The following PTPRD variants were observed in gnomAD, a reference collection of about 807,000 sequenced individuals.
PTPRD encodes the protein receptor-type tyrosine-protein phosphatase delta.
A neutral mutation model predicts 214.5 loss-of-function variants in PTPRD; 34 were observed. The observed-to-expected ratio is 0.16, with a 90% CI of 0.12 to 0.21. The LOEUF (loss-of-function observed/expected upper bound fraction) is 0.21, where lower values mean the gene tolerates loss of function less well. Among genes scored for constraint, PTPRD ranks in the 10% least tolerant of loss-of-function variants. The pLI, the probability that PTPRD is intolerant of heterozygous loss-of-function variation, is 1.00. For missense variants in PTPRD, 2,545 were observed against 2,398.7 expected (o/e 1.06, Z -1.27); for synonymous variants, 1,128 against 845.7 (o/e 1.33, Z -5.79).
intron 9 of PTPRD, among the ~76,000 whole-genome samples, chr9:9,242,461 C>T (rs139966162): frequency 0.21 from 32,614 of 152,052 alleles, 4,176 homozygotes; most frequent in Middle Eastern, 0.33. Flanking sequence ...GTTCCATTCT[C>T]CCTGTCACTT....
chr9:10,572,251 T>A (rs2067695253), intron 2 of PTPRD, among the ~76,000 whole-genome samples: 1 of 152,124 alleles, frequency 6.6e-6, no homozygotes, highest in African/African-American at 2.4e-5. Flanking sequence ...AAAATGAGTG[T>A]TTTAAAGCTG....
rs2135670720 is a variant in PTPRD, at chr9:8,389,411, G to A, written c.4211-4C>T. ...ACATAGTCACTTCCTGGGATCCCTG[G>A]AAAACAAGGAGTGTTATTCAACCAG... On this transcript the variant is annotated splice_polypyrimidine_tract_variant and splice_region_variant and intron_variant, in intron 36 of 45. Transcript: ENST00000381196. 1.2e-6 allele frequency: 2 copies of A among 1,604,310 alleles called. No individual in the cohort carries two copies. The highest frequency in any genetic ancestry group is 1.7e-6 in the Non-Finnish European group (2 of 1,175,430).
chr9:8,357,209 T>C (rs1033041380), intron 39 of PTPRD, among the ~76,000 whole-genome samples: 3 of 152,200 alleles, frequency 2.0e-5, no homozygotes, highest in Admixed American at 6.5e-5. Context: ...ACACACCAAC[T>C]CTTTTCCTCA....
At chr9:8,990,115 CCACAA>C (rs2099360457) in intron 11 of PTPRD, among the ~76,000 whole-genome samples, 1 of 152,020 alleles carries the variant, frequency 6.6e-6, no homozygotes, top group South Asian at 2.1e-4. Flanking sequence ...CTTAACAGTG[CCACAA>C]AACTTTAATA....
rs190501809 is a variant in PTPRD at position 8,599,210 on chromosome 9, T to C, written c.352+34107A>G. ...ACTTCTCATTTGCCTTCTACCATGA[T>C]TGTGAGACCTACCCAACCATGTGGA... is the stretch of plus-strand genomic sequence containing the variant. On this transcript the variant is annotated intron_variant, in intron 14 of 45. Coordinates refer to ENST00000381196, the MANE Select transcript of PTPRD (RefSeq NM_002839.4). Among the ~76,000 whole-genome samples the C allele has an allele frequency of 4.0e-3, 604 of 152,240 alleles. 5 individuals carry two copies. The highest frequency in any genetic ancestry group is 0.014 in the African/African-American group (573 of 41,548).
At chr9:9,158,227 T>A (rs919734828) in intron 10 of PTPRD, among the ~76,000 whole-genome samples, 1 of 152,182 alleles carries the variant, frequency 6.6e-6, no homozygotes, top group Non-Finnish European at 1.5e-5. Context: ...TATGTGGCTA[T>A]ATACCTGTAG....
At chr9:9,910,634 G>A (rs1396934530) in intron 5 of PTPRD, among the ~76,000 whole-genome samples, 1 of 151,844 alleles carries the variant, frequency 6.6e-6, no homozygotes, top group Non-Finnish European at 1.5e-5. Flanking sequence ...TGTGGAATTA[G>A]GCATTGTTTT....
At chr9:9,846,017 T>G (rs932390352) in intron 5 of PTPRD, among the ~76,000 whole-genome samples, 2 of 152,088 alleles carry the variant, frequency 1.3e-5, no homozygotes, top group African/African-American at 4.8e-5. Context: ...TTAATCTACT[T>G]TTGTCTTGAG....
At chr9:10,535,880 T>G (rs1192328480) in intron 2 of PTPRD, among the ~76,000 whole-genome samples, 1 of 152,112 alleles carries the variant, frequency 6.6e-6, no homozygotes, top group Non-Finnish European at 1.5e-5. Flanking sequence ...TGGCCTCTAT[T>G]GTCACAAAGT....
chr9:8,933,918 T>C (rs376090408), intron 11 of PTPRD, among the ~76,000 whole-genome samples: 1 of 152,164 alleles, frequency 6.6e-6, no homozygotes, highest in Non-Finnish European at 1.5e-5. Context: ...GTTCTCCATA[T>C]AGAACTCCTT....
chr9:9,791,538 A>C (rs2098967344), intron 5 of PTPRD, among the ~76,000 whole-genome samples: 2 of 152,128 alleles, frequency 1.3e-5, no homozygotes, highest in South Asian at 4.1e-4. Flanking sequence ...CCTGATGATA[A>C]GTTTCTCTAT....
intron 17 of PTPRD, 50 bp from the exon 18 acceptor site, chr9:8,525,085 C>G (rs2139206497): frequency 6.7e-7 from 1 of 1,494,884 alleles, no homozygotes; most frequent in East Asian, 2.3e-5. Flanking sequence ...AGAAGGCTTT[C>G]TCAGTTCAGA....
intron 3 of PTPRD, among the ~76,000 whole-genome samples, chr9:10,126,261 A>G (rs2098818297): frequency 6.6e-6 from 1 of 152,144 alleles, no homozygotes; most frequent in Non-Finnish European, 1.5e-5. Flanking sequence ...CTAGTTTTAT[A>G]CGACATGGCA....
At chr9:8,888,242 C>T (rs756986517) in intron 11 of PTPRD, among the ~76,000 whole-genome samples, 2 of 152,124 alleles carry the variant, frequency 1.3e-5, no homozygotes, top group Non-Finnish European at 2.9e-5. Flanking sequence ...TCATCAAGTA[C>T]TATGTGAAAG....
At chr9:8,864,932 CAAT>C (rs2098169365) in intron 11 of PTPRD, among the ~76,000 whole-genome samples, 1 of 152,180 alleles carries the variant, frequency 6.6e-6, no homozygotes, top group Admixed American at 6.5e-5. Flanking sequence ...ATTAAAAACA[CAAT>C]AAAGAAAACA....
chr9:10,453,972 C>T (rs554210104), intron 2 of PTPRD, among the ~76,000 whole-genome samples: 60 of 151,618 alleles, frequency 4.0e-4, no homozygotes, highest in African/African-American at 1.4e-3. Flanking sequence ...TTACCCCAAA[C>T]AATAGGCTGG....
intron 3 of PTPRD, among the ~76,000 whole-genome samples, chr9:10,310,315 C>T (rs772084509): frequency 6.6e-6 from 1 of 151,828 alleles, no homozygotes; most frequent in Non-Finnish European, 1.5e-5. Flanking sequence ...AATATCAAGG[C>T]AAAATATACC....
chr9:8,968,334 T>A (rs566011446), intron 11 of PTPRD, among the ~76,000 whole-genome samples: 46 of 152,230 alleles, frequency 3.0e-4, no homozygotes, highest in African/African-American at 1.0e-3. Flanking sequence ...TGCCACACTG[T>A]CTTCCACAAT....
intron 3 of PTPRD, among the ~76,000 whole-genome samples, chr9:10,183,308 T>C (rs2099311517): frequency 6.6e-6 from 1 of 152,092 alleles, no homozygotes; most frequent in Admixed American, 6.6e-5. Context: ...AAGACAATAA[T>C]AATAAGAGTT....
Sources: gnomAD v4.1 joint callset for allele counts (sites outside exome capture counted in the v4.1 genomes callset) on GRCh38, gnomAD v4.1.1 for gene constraint, MANE v1.5 for transcripts, NCBI Gene and HGNC (gene_info 2026-07-23, HGNC 2026-07-21) for gene names.